SCRG1: variants seen among roughly 807,000 people sequenced by gnomAD.
SCRG1 encodes the protein stimulator of chondrogenesis 1.
In SCRG1, 3 loss-of-function variants were observed where a neutral mutation model predicts 7.7. The ratio of observed to expected loss-of-function variants is 0.39; its 90% confidence interval spans 0.18 to 1.01. The LOEUF (loss-of-function observed/expected upper bound fraction) is 1.01, where lower values mean the gene tolerates loss of function less well. Ranked by LOEUF, SCRG1 falls within the 50% of genes least tolerant of loss-of-function variation. The pLI is 0.36. For synonymous variants in SCRG1, 46 were observed against 41.2 expected (o/e 1.12, Z -0.44); for missense variants, 110 against 117.2 (o/e 0.94, Z 0.28).
the SCRG1 span, among the ~76,000 whole-genome samples, chr4:173,502,135 G>A: frequency 1.7e-4 from 26 of 149,342 alleles, 1 homozygote; most frequent in South Asian, 5.8e-3. This position sits in a 1 kb window ranked among gnomAD's most constrained non-coding sequence, Gnocchi z 4.6. Flanking sequence ...CTGGACTTCG[G>A]ACTCAGCTTC....
upstream of SCRG1, among the ~76,000 whole-genome samples, chr4:173,409,634 G>A (rs1449634772): frequency 7.5e-5 from 10 of 134,102 alleles, no homozygotes; most frequent in African/African-American, 2.9e-4. Context: ...TGTTGCCCAT[G>A]CTGGAGTGCA....
the SCRG1 span, among the ~76,000 whole-genome samples, chr4:173,495,227 C>G: frequency 6.6e-6 from 1 of 152,236 alleles, no homozygotes; most frequent in Non-Finnish European, 1.5e-5. Flanking sequence ...ATCAAGTTAT[C>G]ATTATCCATT....
the SCRG1 span, among the ~76,000 whole-genome samples, chr4:173,508,321 A>T: frequency 1.3e-5 from 2 of 152,228 alleles, no homozygotes; most frequent in African/African-American, 4.8e-5. The surrounding 1 kb of genome is among the most constrained non-coding windows in gnomAD (Gnocchi z 4.4). Context: ...GCGCTTCTGC[A>T]GGAGGTGGAG....
chr4:173,484,413 T>C, the SCRG1 span, among the ~76,000 whole-genome samples: 2 of 71,228 alleles, frequency 2.8e-5, no homozygotes, highest in African/African-American at 1.2e-4. Context: ...TATATACATA[T>C]AATATATATT....
In SCRG1 at chr4:173,387,563, C is replaced by T. The variant is rs1271727687; in HGVS notation, c.*778G>A. 6.6e-6 allele frequency: 1 copy of T among 152,050 alleles called. No homozygotes were observed. Among genetic ancestry groups the T allele is most frequent in the African/African-American group, 2.4e-5 (1 of 41,346 alleles). 9.4% of individuals were successfully genotyped at this position (152,050 alleles called of 1,614,324 possible). On this transcript the variant is annotated 3_prime_UTR_variant, in exon 3 of 3. Coordinates refer to ENST00000296506, the MANE Select transcript of SCRG1 (RefSeq NM_007281.4). ...ATCTCACTATGTTGCCCAGGCTGGTCTCAAACTCCTGGACTCAAGTGATCT... is the reference window on the plus strand; with the variant it reads ...ATCTCACTATGTTGCCCAGGCTGGTTTCAAACTCCTGGACTCAAGTGATCT...
At chr4:173,483,722 TG>T in the SCRG1 span, among the ~76,000 whole-genome samples, 4 of 36,768 alleles carry the variant, frequency 1.1e-4, 2 homozygotes, top group African/African-American at 1.9e-4. Flanking sequence ...TATTATATTG[TG>T]ATATATCATA....
At chr4:173,418,334 C>G in the SCRG1 span, among the ~76,000 whole-genome samples, 1 of 152,182 alleles carries the variant, frequency 6.6e-6, no homozygotes, top group Non-Finnish European at 1.5e-5. Context: ...TGACCTCCCC[C>G]GTGAGAACAG....
the SCRG1 span, among the ~76,000 whole-genome samples, chr4:173,475,770 A>G: frequency 5.1e-4 from 78 of 152,372 alleles, no homozygotes; most frequent in South Asian, 4.6e-3. Flanking sequence ...CTTAAATAGG[A>G]AGGAAATCTG....
the SCRG1 span, among the ~76,000 whole-genome samples, chr4:173,507,762 C>T: frequency 6.6e-6 from 1 of 152,210 alleles, no homozygotes; most frequent in Non-Finnish European, 1.5e-5. This position sits in a 1 kb window ranked among gnomAD's most constrained non-coding sequence, Gnocchi z 4.4. Context: ...CACAGACCCT[C>T]CGGAGCAGTT....
the SCRG1 span, among the ~76,000 whole-genome samples, chr4:173,483,251 TATATG>T: frequency 1.7e-5 from 1 of 60,432 alleles, no homozygotes; most frequent in East Asian, 5.4e-4. Context: ...TGATATATCA[TATATG>T]ATATATCATA....
chr4:173,388,422 A>T lies in SCRG1; in HGVS notation c.243-27T>A, dbSNP rs781449661. 1.8e-5 allele frequency: 28 copies of T among 1,537,928 alleles called. No homozygotes were observed. The African/African-American group carries it at 3.7e-4, about 20-fold the overall frequency. Reference sequence around the variant, plus strand: ...TGAAAGAAAATAGAGCATCAATTAAATTCACCTTAAGGCTAAGATATTAGT... The same window carrying T: ...TGAAAGAAAATAGAGCATCAATTAATTTCACCTTAAGGCTAAGATATTAGT... On this transcript the variant is annotated intron_variant, in intron 2 of 2. Transcript: ENST00000296506.
chr4:173,460,231 C>T, the SCRG1 span, among the ~76,000 whole-genome samples: 25 of 152,174 alleles, frequency 1.6e-4, no homozygotes, highest in African/African-American at 3.9e-4. Flanking sequence ...ATTGCCAAGA[C>T]GCCACCCCTG....
At chr4:173,476,109 G>C in the SCRG1 span, among the ~76,000 whole-genome samples, 1 of 151,456 alleles carries the variant, frequency 6.6e-6, no homozygotes, top group Non-Finnish European at 1.5e-5. Flanking sequence ...TTTTATCACA[G>C]TTTAAAAATA....
At chr4:173,430,000 G>T in the SCRG1 span, among the ~76,000 whole-genome samples, 2 of 149,770 alleles carry the variant, frequency 1.3e-5, no homozygotes, top group African/African-American at 4.9e-5. Flanking sequence ...ATGGCTATGG[G>T]TTTTTTTTTT....
chr4:173,485,441 G>A, the SCRG1 span, among the ~76,000 whole-genome samples: 1 of 151,172 alleles, frequency 6.6e-6, no homozygotes, highest in Non-Finnish European at 1.5e-5. Flanking sequence ...TCAGCCTCAT[G>A]TAAGCCATTA....
At chr4:173,453,055 C>G in the SCRG1 span, among the ~76,000 whole-genome samples, 3 of 152,192 alleles carry the variant, frequency 2.0e-5, no homozygotes, top group African/African-American at 7.2e-5. Context: ...GCAATAGTCA[C>G]AGTACCAGCT....
the SCRG1 span, among the ~76,000 whole-genome samples, chr4:173,505,586 A>G: frequency 6.6e-6 from 1 of 152,196 alleles, no homozygotes; most frequent in Non-Finnish European, 1.5e-5. This position sits in a 1 kb window ranked among gnomAD's most constrained non-coding sequence, Gnocchi z 4.4. Context: ...GCAACTCCCA[A>G]ACCACAATTG....
chr4:173,396,563 A>G (rs1739608790), intron 1 of SCRG1, among the ~76,000 whole-genome samples: 1 of 152,192 alleles, frequency 6.6e-6, no homozygotes, highest in Admixed American at 6.5e-5. Flanking sequence ...GAAATGAACA[A>G]ATAAATTGCT....
chr4:173,415,498 A>G, the SCRG1 span, among the ~76,000 whole-genome samples: 5 of 152,210 alleles, frequency 3.3e-5, no homozygotes, highest in Admixed American at 3.3e-4. Flanking sequence ...CATGGCCATT[A>G]TATCAGTCTC....
Sources: allele counts gnomAD v4.1 joint callset (sites outside exome capture counted in the v4.1 genomes callset), GRCh38; gene constraint gnomAD v4.1.1; non-coding constraint Gnocchi (gnomAD v3.1); transcripts MANE v1.5; gene names NCBI Gene and HGNC (gene_info 2026-07-23, HGNC 2026-07-21).